Variants in KIAA1217 observed in about 807,000 individuals in gnomAD.
The protein encoded by KIAA1217 is KIAA1217.
Under a neutral mutation model 163.9 loss-of-function variants are expected in KIAA1217, and 88 were observed. The ratio of observed to expected loss-of-function variants is 0.54; its 90% CI spans 0.45 to 0.64. The LOEUF (loss-of-function observed/expected upper bound fraction) is 0.64, where lower values mean the gene tolerates loss of function less well. Ranked by LOEUF, KIAA1217 falls within the 30% of genes least tolerant of loss-of-function variation. The probability of loss-of-function intolerance (pLI) is 0.00; values close to 1 mark genes in which losing one functional copy is unlikely to be tolerated. For missense variants in KIAA1217, 2,372 were observed against 2,475.0 expected (o/e 0.96, Z 0.88); for synonymous variants, 903 against 923.1 (o/e 0.98, Z 0.39).
intron 1 of KIAA1217, among the ~76,000 whole-genome samples, chr10:23,832,178 C>T (rs1200413112): frequency 6.6e-6 from 1 of 152,162 alleles, no homozygotes; most frequent in African/African-American, 2.4e-5. Flanking sequence ...GACTAACAAG[C>T]AACAAAGCAG....
intron 2 of KIAA1217, among the ~76,000 whole-genome samples, chr10:24,151,709 C>G (rs1358155281): frequency 6.6e-6 from 1 of 151,416 alleles, no homozygotes; most frequent in Non-Finnish European, 1.5e-5. Flanking sequence ...CACGGAAGGC[C>G]CCTTGCTAGA....
intron 2 of KIAA1217, among the ~76,000 whole-genome samples, chr10:24,240,915 G>A (rs1374576293): frequency 6.6e-6 from 1 of 151,654 alleles, no homozygotes; most frequent in East Asian, 1.9e-4. Flanking sequence ...GAAGTGCAGT[G>A]GCGCGATCTT....
At chr10:24,197,429 A>G (rs1386479260) in intron 2 of KIAA1217, among the ~76,000 whole-genome samples, 2 of 152,208 alleles carry the variant, frequency 1.3e-5, no homozygotes, top group Admixed American at 6.5e-5. Flanking sequence ...GAAAGAATGT[A>G]CCAACAGAAA....
intron 2 of KIAA1217, among the ~76,000 whole-genome samples, chr10:24,360,816 C>T (rs899008416): frequency 2.6e-5 from 4 of 152,082 alleles, no homozygotes; most frequent in Non-Finnish European, 5.9e-5. Context: ...ATTGTTCTTC[C>T]CATTTTTAAA....
intron 2 of KIAA1217, among the ~76,000 whole-genome samples, chr10:24,025,618 A>C (rs1452284021): frequency 6.6e-6 from 1 of 151,742 alleles, no homozygotes; most frequent in Non-Finnish European, 1.5e-5. Context: ...AAAGCAAAAC[A>C]ATAAATAGTT....
intron 2 of KIAA1217, among the ~76,000 whole-genome samples, chr10:24,117,106 C>T (rs1228178098): frequency 2.6e-5 from 4 of 151,760 alleles, no homozygotes; most frequent in South Asian, 2.1e-4. Context: ...GGCTCAATCT[C>T]GGCTCACCGC....
intron 2 of KIAA1217, among the ~76,000 whole-genome samples, chr10:24,030,882 A>G (rs1848160070): frequency 6.6e-6 from 1 of 152,186 alleles, no homozygotes; most frequent in Non-Finnish European, 1.5e-5. Flanking sequence ...ATTCCATTTT[A>G]TGTATATACC....
chr10:24,216,297 A>T (rs953290577), intron 1 of KIAA1217, among the ~76,000 whole-genome samples: 4 of 152,158 alleles, frequency 2.6e-5, no homozygotes, highest in African/African-American at 9.7e-5. Context: ...AGAATAGATC[A>T]TATGAGCCTG....
At chr10:24,167,195 T>TG (rs72513891) in intron 2 of KIAA1217, among the ~76,000 whole-genome samples, 2 of 68,708 alleles carry the variant, frequency 2.9e-5, no homozygotes, top group Non-Finnish European at 6.7e-5. Context: ...TTCTCTCCTT[T>TG]TCAAATTCCT....
chr10:23,987,928 C>T (rs943091329), intron 1 of KIAA1217, among the ~76,000 whole-genome samples: 23 of 152,306 alleles, frequency 1.5e-4, no homozygotes, highest in African/African-American at 4.3e-4. Context: ...ATACTTTACA[C>T]TCTTAAAATG....
At chr10:24,390,106 A>T (rs74122289) in intron 3 of KIAA1217, among the ~76,000 whole-genome samples, 16,511 of 151,938 alleles carry the variant, frequency 0.11, 1,045 homozygotes, top group South Asian at 0.3. Flanking sequence ...TAATAAATCC[A>T]TTTTTTTTAA....
intron 2 of KIAA1217, among the ~76,000 whole-genome samples, chr10:24,355,726 C>CTGTTT (rs2049001042): frequency 1.4e-5 from 1 of 69,236 alleles, no homozygotes; most frequent in African/African-American, 3.9e-5. Context: ...CAAGTCCTCA[C>CTGTTT]TCTTTTTTTT....
rs10524680 is a variant in KIAA1217, at chr10:24,098,724, C to CGTGTGTGTGTGTGTGTGT, written c.-171+91369_-171+91386dup. Among the ~76,000 whole-genome samples, 248 of 139,362 alleles carry CGTGTGTGTGTGTGTGTGT rather than the reference C, an allele frequency of 1.8e-3. 3 individuals are homozygous for CGTGTGTGTGTGTGTGTGT. The highest frequency in any genetic ancestry group is 4.2e-3 in the African/African-American group (155 of 36,978). 91.4% of individuals were successfully genotyped at this position (139,362 alleles called of 152,430 possible). The stretch of plus-strand genomic sequence containing the variant: ...TGTAACCCTCCCCTCTGAAGGGGAG[C>CGTGTGTGTGTGTGTGTGT]GTGTGTGTGTGTGTGTGTGTGTGTG... On this transcript the variant is annotated intron_variant, in intron 2 of 18. Coordinates refer to the KIAA1217 transcript ENST00000376462.
chr10:23,842,687 C>T (rs957816113), intron 1 of KIAA1217, among the ~76,000 whole-genome samples: 1 of 152,024 alleles, frequency 6.6e-6, no homozygotes, highest in African/African-American at 2.4e-5. Context: ...AGTGCCTTCA[C>T]ATGATGACAT....
intron 6 of KIAA1217, among the ~76,000 whole-genome samples, chr10:24,492,161 G>A (rs11014114): frequency 0.11 from 17,264 of 152,170 alleles, 1,243 homozygotes; most frequent in Non-Finnish European, 0.16. Context: ...AAGAGTGTGT[G>A]CAAGTCTGTG....
intron 2 of KIAA1217, among the ~76,000 whole-genome samples, chr10:24,165,685 A>G (rs1217618908): frequency 6.6e-6 from 1 of 152,194 alleles, no homozygotes; most frequent in Non-Finnish European, 1.5e-5. Context: ...AGTTTATAGG[A>G]TCTTGCTCAG....
chr10:24,317,741 C>T (rs543310682), intron 2 of KIAA1217, among the ~76,000 whole-genome samples: 108 of 152,274 alleles, frequency 7.1e-4, no homozygotes, highest in African/African-American at 2.5e-3. Context: ...TCTCTGTTCA[C>T]GGCATTCCTG....
chr10:24,518,967 TGTTA>T (rs1243878628), intron 10 of KIAA1217, among the ~76,000 whole-genome samples: 1 of 152,194 alleles, frequency 6.6e-6, no homozygotes, highest in Non-Finnish European at 1.5e-5. Flanking sequence ...GGGAGGAATT[TGTTA>T]TTTTCCCTTG....
chr10:23,717,330 T>G (rs1837632024), intron 1 of KIAA1217, among the ~76,000 whole-genome samples: 1 of 152,150 alleles, frequency 6.6e-6, no homozygotes, highest in African/African-American at 2.4e-5. Context: ...CAATTGCTAA[T>G]AAGAGCTAAT....
Sources: allele counts gnomAD v4.1 joint callset (sites outside exome capture counted in the v4.1 genomes callset), GRCh38; gene constraint gnomAD v4.1.1; transcripts MANE v1.5; gene names NCBI Gene and HGNC (gene_info 2026-07-23, HGNC 2026-07-21).